Variants in PCGF3 observed in about 807,000 individuals in gnomAD.
PCGF3 encodes the protein polycomb group ring finger 3, also known as polycomb group RING finger protein 3.
Under a neutral mutation model 33.1 loss-of-function variants are expected in PCGF3, and 7 were observed. The observed-to-expected ratio is 0.21, with a 90% CI of 0.12 to 0.40. The LOEUF (loss-of-function observed/expected upper bound fraction) is 0.40. Among genes scored for constraint, PCGF3 ranks in the 10% least tolerant of loss-of-function variants. PCGF3 has a pLI of 1.00. For synonymous variants in PCGF3, 153 were observed against 121.3 expected, an observed-to-expected ratio of 1.26 and a Z score of -1.72; for missense variants, 211 against 313.3, an observed-to-expected ratio of 0.67 and a Z score of 2.46.
In PCGF3 at chr4:726,013, G is replaced by A. The variant is rs1369556875; in HGVS notation, c.-189-4617G>A. 5.3e-5 allele frequency among the ~76,000 whole-genome samples: 8 copies of A among 152,202 alleles called. No homozygotes were observed. In the East Asian group the frequency reaches 9.7e-4, roughly 18 times the overall value. On this transcript the variant is annotated intron_variant, in intron 1 of 10. Coordinates refer to ENST00000362003, the Ensembl canonical transcript of PCGF3. ...CCGAGCCATGGTTAGGATCGGCCCC[G>A]TCCACCGTGTGTCCATGGAAGTGAA...
At chr4:765,968 T>C in intron 10 of PCGF3, 64 bp from the exon 11 acceptor site, 2 of 1,458,360 alleles carry the variant, frequency 1.4e-6, no homozygotes, top group South Asian at 1.1e-5. Context: ...CCCTTCCCGA[T>C]GAAGTAGGTC....
At chr4:758,382 G>T (rs11248038) in intron 8 of PCGF3, among the ~76,000 whole-genome samples, 4 of 136,202 alleles carry the variant, frequency 2.9e-5, no homozygotes, top group East Asian at 2.2e-4. Flanking sequence ...GCCCCTCTCC[G>T]GAGTTCTTCT....
At chr4:733,116 G>GCCCCTGCCCCGTGCTGCCTCCGCCCCT (rs1287418047) in intron 3 of PCGF3, among the ~76,000 whole-genome samples, 1 of 151,668 alleles carries the variant, frequency 6.6e-6, no homozygotes, top group Admixed American at 6.5e-5. Flanking sequence ...TGCTGCCTCA[G>GCCCCTGCCCCGTGCTGCCTCCGCCCCT]GCTCTGGGAG....
In PCGF3 at chr4:755,866, G is replaced by C. The variant is rs1237082674; in HGVS notation, c.463-5413G>C. On this transcript the variant is annotated intron_variant, in intron 8 of 10. Coordinates refer to ENST00000362003, the Ensembl canonical transcript of PCGF3. ...CATTAAGTTGTGGTCTTCTGGGAGA[G>C]TACATACCCCTCCTCATTTTTCTTC... Among the ~76,000 whole-genome samples the C allele has an allele frequency of 4.9e-5, 7 of 141,852 alleles. No individual in the cohort carries two copies. The Admixed American group carries it at 5.0e-4, about 10-fold the overall frequency. The allele number at this position is 141,852 out of a possible 152,430, so 93.1% of individuals were successfully genotyped here.
Position 730,280 on chromosome 4 carries a change from C to G in PCGF3, c.-189-350C>G, listed in dbSNP as rs373580118. Among the ~76,000 whole-genome samples the G allele has an allele frequency of 3.3e-5, 5 of 152,258 alleles. No individual in the cohort carries two copies. The South Asian group carries it at 1.0e-3, about 32-fold the overall frequency. On this transcript the variant is annotated intron_variant, in intron 1 of 10. Transcript: ENST00000362003. Reference sequence around the variant, plus strand: ...TCTGAGGTCTTGCATTTGCCCAGATCACCCCTGAAATTCACCCCTCCTCTG... The same window carrying G: ...TCTGAGGTCTTGCATTTGCCCAGATGACCCCTGAAATTCACCCCTCCTCTG...
At chr4:729,640 C>T (rs1743470468) in intron 1 of PCGF3, among the ~76,000 whole-genome samples, 1 of 152,076 alleles carries the variant, frequency 6.6e-6, no homozygotes, top group Non-Finnish European at 1.5e-5. Context: ...GACATGCCTG[C>T]TGATCTCCCC....
At chr4:716,001 G>T (rs1303170163) in intron 1 of PCGF3, among the ~76,000 whole-genome samples, 12 of 131,260 alleles carry the variant, frequency 9.1e-5, no homozygotes, top group South Asian at 2.7e-4. Context: ...ACTGGGCGTC[G>T]GTGCTGGGAC....
intron 1 of PCGF3, among the ~76,000 whole-genome samples, chr4:722,626 C>T (rs1743138591): frequency 7.9e-6 from 1 of 126,090 alleles, no homozygotes; most frequent in South Asian, 2.8e-4. Flanking sequence ...CACACTCAGT[C>T]ATCGCCGTCC....
At chr4:767,470 T>TC (rs1419073203) in exon 11 of PCGF3, 4 of 152,134 alleles carry the variant, frequency 2.6e-5, no homozygotes, top group African/African-American at 4.8e-5. Context: ...ACTGAATCCC[T>TC]CCTCCCTCCA....
chr4:720,362 CTG>C lies in PCGF3; in HGVS notation c.-189-10265_-189-10264del, dbSNP rs1743022376. 6.6e-6 allele frequency among the ~76,000 whole-genome samples: 1 copy of C among 152,004 alleles called. No individual in the cohort carries two copies. Among genetic ancestry groups the C allele is most frequent in the African/African-American group, 2.4e-5 (1 of 41,386 alleles). On this transcript the variant is annotated intron_variant, in intron 1 of 10. Transcript: ENST00000362003. The surrounding 1 kb of genome is among the most constrained non-coding windows in gnomAD (Gnocchi z 5.6). ...GCCTGTGCATCGCTGTGGAGGGTGACTGTGCAGGAGGACAGAGTGCCACAAGG... is the reference window on the plus strand; with the variant it reads ...GCCTGTGCATCGCTGTGGAGGGTGACTGCAGGAGGACAGAGTGCCACAAGG...
At chr4:723,511 G>T (rs1743202654) in intron 1 of PCGF3, 1 of 162,450 alleles carries the variant, frequency 6.2e-6, no homozygotes, top group Non-Finnish European at 1.3e-5. Flanking sequence ...GAGGGATGGG[G>T]CTCTGTGAAA....
chr4:761,931 C>T, intron 9 of PCGF3: 1 of 985,432 alleles, frequency 1.0e-6, no homozygotes, highest in Non-Finnish European at 1.2e-6. Context: ...ACAGAAGGCG[C>T]TGGCGGCTGT....
At chr4:737,817 T>G (rs1743902520) in intron 6 of PCGF3, among the ~76,000 whole-genome samples, 1 of 152,196 alleles carries the variant, frequency 6.6e-6, no homozygotes, top group African/African-American at 2.4e-5. Context: ...GGACCCTGCC[T>G]TCTTCCTGGG....
At chr4:748,865 C>T (rs1355873399) in intron 8 of PCGF3, among the ~76,000 whole-genome samples, 1 of 152,036 alleles carries the variant, frequency 6.6e-6, no homozygotes, top group Non-Finnish European at 1.5e-5. Flanking sequence ...CAGCAGTTCC[C>T]CAGTGGTGAG....
intron 8 of PCGF3, chr4:757,795 C>G (rs902657671): frequency 1.3e-5 from 2 of 152,168 alleles, no homozygotes; most frequent in South Asian, 2.1e-4. Flanking sequence ...CTCTTTCTTT[C>G]TTCCTCTGGT....
At chr4:723,179 C>T (rs1191098566) in intron 1 of PCGF3, among the ~76,000 whole-genome samples, 1 of 152,220 alleles carries the variant, frequency 6.6e-6, no homozygotes, top group African/African-American at 2.4e-5. Flanking sequence ...CGGTCATCGC[C>T]ATCCGCGCGG....
At chr4:734,238 C>T (rs1743740571) in intron 4 of PCGF3, 1 of 1,494,752 alleles carries the variant, frequency 6.7e-7, no homozygotes. Flanking sequence ...GAGTGTTTTT[C>T]TAAGTGTGGC....
intron 1 of PCGF3, among the ~76,000 whole-genome samples, chr4:714,408 A>T (rs1454647817): frequency 6.6e-6 from 1 of 152,306 alleles, no homozygotes; most frequent in East Asian, 1.9e-4. Context: ...CTTGCTGGGA[A>T]GGTGAGTCCC....
At chr4:761,243 C>G (rs766940933) in intron 8 of PCGF3, 36 bp from the exon 9 acceptor site, 3 of 1,538,742 alleles carry the variant, frequency 1.9e-6, no homozygotes, top group Non-Finnish European at 2.6e-6. Context: ...CGGGGGAACC[C>G]TCCTGCTGCG....
Sources: gnomAD v4.1 joint callset for allele counts (sites outside exome capture counted in the v4.1 genomes callset) on GRCh38, gnomAD v4.1.1 for gene constraint, Gnocchi (gnomAD v3.1) non-coding constraint, MANE v1.5 for transcripts, NCBI Gene and HGNC (gene_info 2026-07-23, HGNC 2026-07-21) for gene names.